Variants in FOXN3 observed in about 807,000 individuals in gnomAD.
FOXN3 encodes forkhead box N3.
FOXN3 carries 7 observed loss-of-function variants against 38.4 expected under a neutral mutation model. The observed-to-expected ratio is 0.18, with a 90% CI of 0.10 to 0.34. The LOEUF is 0.34. FOXN3 is among the 10% of genes least tolerant of loss of function. The pLI is 1.00. For synonymous variants in FOXN3, 230 were observed against 242.2 expected (o/e 0.95, Z 0.47); for missense variants, 456 against 613.4 (o/e 0.74, Z 2.71).
rs75066688 is a variant in FOXN3, at chr14:89,292,245, G to T, written c.681-11231C>A. Among the ~76,000 whole-genome samples the T allele has an allele frequency of 8.7e-4, 133 of 152,182 alleles. No homozygotes were observed. The East Asian group carries it at 0.023, about 27-fold the overall frequency. On this transcript the variant is annotated intron_variant, in intron 3 of 5. Transcript: ENST00000557258. The stretch of plus-strand genomic sequence containing the variant: ...GTCTCCACTTACCTCCCCCTTCCCA[G>T]GACTGATGATTTCTTATCTTAGCCA...
At chr14:89,165,221 C>T (rs1375234075) in intron 5 of FOXN3, among the ~76,000 whole-genome samples, 1 of 152,188 alleles carries the variant, frequency 6.6e-6, no homozygotes, top group African/African-American at 2.4e-5. Flanking sequence ...TTGCAAGCCA[C>T]ACACGCCTGT....
At chr14:89,469,002 A>G (rs540556653) in intron 1 of FOXN3, among the ~76,000 whole-genome samples, 25 of 152,296 alleles carry the variant, frequency 1.6e-4, no homozygotes, top group African/African-American at 6.0e-4. Flanking sequence ...GCCCCTCTCC[A>G]GAACTGGATA....
intron 5 of FOXN3, among the ~76,000 whole-genome samples, chr14:89,166,397 C>T (rs550619534): frequency 1.6e-4 from 24 of 152,262 alleles, no homozygotes; most frequent in East Asian, 5.8e-4. Flanking sequence ...GTTTCCGGTA[C>T]CACCTAGAAT....
rs1887178489 is a variant in FOXN3, at chr14:89,164,142, C to G, written c.852-1173G>C. ...GACAGCAATGGCTGTGAAGCTTATTCCTGGTTAGGACCCATGCTCCTTATG... is the reference window on the plus strand; with the variant it reads ...GACAGCAATGGCTGTGAAGCTTATTGCTGGTTAGGACCCATGCTCCTTATG... On this transcript the variant is annotated intron_variant, in intron 5 of 5. Coordinates refer to ENST00000557258, the MANE Select transcript of FOXN3 (RefSeq NM_005197.4). This position sits in a 1 kb window ranked among gnomAD's most constrained non-coding sequence, Gnocchi z 4.3. Among the ~76,000 whole-genome samples the G allele has an allele frequency of 6.6e-6, 1 of 152,202 alleles. No individual in the cohort carries two copies. The highest frequency in any genetic ancestry group is 1.9e-4 in the East Asian group (1 of 5,198).
At chr14:89,410,583 C>G (rs1338568046) in intron 2 of FOXN3, among the ~76,000 whole-genome samples, 1 of 152,086 alleles carries the variant, frequency 6.6e-6, no homozygotes, top group East Asian at 1.9e-4. Context: ...TTCCTTAAAA[C>G]AAAAATAGGC....
At chr14:89,190,789 A>G (rs536630961) in intron 4 of FOXN3, among the ~76,000 whole-genome samples, 1 of 152,216 alleles carries the variant, frequency 6.6e-6, no homozygotes, top group Non-Finnish European at 1.5e-5. Context: ...CAGGAGAGTC[A>G]GTGACAATAG....
chr14:89,170,657 A>T lies in FOXN3; in HGVS notation c.852-7688T>A, dbSNP rs938574320. The stretch of plus-strand genomic sequence containing the variant: ...TCAAAGAAGCAATAATGTACAGATA[A>T]ATTCTCTGACCACAATGTATTCAAA... On this transcript the variant is annotated intron_variant, in intron 5 of 5. Transcript: ENST00000557258. Among the ~76,000 whole-genome samples the T allele has an allele frequency of 3.9e-4, 59 of 152,234 alleles. 1 individual carries two copies. The highest frequency in any genetic ancestry group is 1.4e-3 in the African/African-American group (56 of 41,456).
intron 4 of FOXN3, among the ~76,000 whole-genome samples, chr14:89,203,821 C>T (rs1193697875): frequency 6.6e-6 from 1 of 152,014 alleles, no homozygotes; most frequent in African/African-American, 2.4e-5. Flanking sequence ...CCTCATCCAC[C>T]CAGAGCACCC....
chr14:89,238,799 C>T (rs1885053784), intron 4 of FOXN3, among the ~76,000 whole-genome samples: 1 of 152,132 alleles, frequency 6.6e-6, no homozygotes, highest in South Asian at 2.1e-4. Context: ...AATAACAATG[C>T]ATTTACTCAA....
intron 1 of FOXN3, among the ~76,000 whole-genome samples, chr14:89,519,077 C>T (rs1302400991): frequency 1.3e-5 from 2 of 151,966 alleles, no homozygotes; most frequent in Non-Finnish European, 2.9e-5. Flanking sequence ...TGGATGAACA[C>T]GGTGCGCCTG....
chr14:89,233,297 G>T (rs898358029), intron 4 of FOXN3, among the ~76,000 whole-genome samples: 2 of 152,196 alleles, frequency 1.3e-5, no homozygotes, highest in African/African-American at 2.4e-5. Context: ...TCACCCTGCA[G>T]GAGGAGGACA....
chr14:89,592,866 T>C (rs552221158), intron 1 of FOXN3, among the ~76,000 whole-genome samples: 4 of 152,134 alleles, frequency 2.6e-5, no homozygotes, highest in Non-Finnish European at 5.9e-5. Flanking sequence ...AACAGGCTTA[T>C]AGAGCAACCA....
At chr14:89,384,696 C>A (rs1566973837) in intron 2 of FOXN3, among the ~76,000 whole-genome samples, 1 of 151,988 alleles carries the variant, frequency 6.6e-6, no homozygotes, top group Non-Finnish European at 1.5e-5. Flanking sequence ...TAAAAATAAG[C>A]CCTGTCTTAT....
intron 1 of FOXN3, among the ~76,000 whole-genome samples, chr14:89,414,495 G>C (rs1004938046): frequency 1.3e-5 from 2 of 151,492 alleles, no homozygotes; most frequent in South Asian, 2.1e-4. Flanking sequence ...TCTTCCAAAA[G>C]GTAGAACCTG....
intron 3 of FOXN3, among the ~76,000 whole-genome samples, chr14:89,325,350 C>CACT (rs757710207): frequency 0.011 from 1,542 of 144,638 alleles, 10 homozygotes; most frequent in Middle Eastern, 0.022. Context: ...CCACCACCAC[C>CACT]ACCACCACCA....
chr14:89,192,569 AAC>A lies in FOXN3; in HGVS notation c.746-11765_746-11764del, dbSNP rs1252875657. 6.3e-5 allele frequency among the ~76,000 whole-genome samples: 9 copies of A among 141,770 alleles called. No homozygotes were observed. The South Asian group carries it at 1.5e-3, about 24-fold the overall frequency. 93.0% of individuals were successfully genotyped at this position (141,770 alleles called of 152,430 possible). A position where few individuals can be genotyped will look rare whatever the true frequency, so the allele number is the denominator to read the frequency against. ...ATAACATATGAATTATACAATATAT[AAC>A]ACATATGTTATATGTAATATAAACT... On this transcript the variant is annotated intron_variant, in intron 4 of 5. Transcript: ENST00000557258.
intron 4 of FOXN3, among the ~76,000 whole-genome samples, chr14:89,205,600 T>G (rs1208050295): frequency 6.6e-6 from 1 of 152,020 alleles, no homozygotes; most frequent in Non-Finnish European, 1.5e-5. Context: ...GACGCGGAAT[T>G]TGGCTGGAGG....
chr14:89,295,762 A>ATTTTTTTTTTTTTTTTTTTTT lies in FOXN3; in HGVS notation c.681-14749_681-14748insAAAAAAAAAAAAAAAAAAAAA, dbSNP rs1032063820. Reference sequence around the variant, plus strand: ...GCCACCATGCCTGGCTAATTTTTGCATTTTTTTTTTTTTTTTTTGTAGAGA... The same window carrying ATTTTTTTTTTTTTTTTTTTTT: ...GCCACCATGCCTGGCTAATTTTTGCATTTTTTTTTTTTTTTTTTTTTTTTTTTTTTTTTTTTTTTGTAGAGA... On this transcript the variant is annotated intron_variant, in intron 3 of 5. Coordinates refer to ENST00000557258, the MANE Select transcript of FOXN3 (RefSeq NM_005197.4). 9.7e-5 allele frequency among the ~76,000 whole-genome samples: 12 copies of ATTTTTTTTTTTTTTTTTTTTT among 123,224 alleles called. 1 individual carries two copies. The highest frequency in any genetic ancestry group is 1.2e-4 in the Non-Finnish European group (7 of 58,268). The allele number at this position is 123,224 out of a possible 152,430, so 80.8% of individuals were successfully genotyped here. A position where few individuals can be genotyped will look rare whatever the true frequency, so the allele number is the denominator to read the frequency against.
chr14:89,180,588 T>C, intron 5 of FOXN3, 113 bp downstream of exon 5: 1 of 658,190 alleles, frequency 1.5e-6, no homozygotes. Context: ...ACCAGGTTTA[T>C]TGCTGTCACT....
Sources: gnomAD v4.1 joint callset for allele counts (sites outside exome capture counted in the v4.1 genomes callset) on GRCh38, gnomAD v4.1.1 for gene constraint, Gnocchi (gnomAD v3.1) non-coding constraint, MANE v1.5 for transcripts, NCBI Gene and HGNC (gene_info 2026-07-23, HGNC 2026-07-21) for gene names.